FAM3A: variants seen among roughly 807,000 people sequenced by gnomAD.
The protein encoded by FAM3A is protein FAM3A.
FAM3A carries 5 observed loss-of-function variants against 18.1 expected under a neutral mutation model. The observed-to-expected ratio is 0.28, with a 90% CI of 0.14 to 0.58. FAM3A has a LOEUF of 0.58. Among genes scored for constraint, FAM3A ranks in the 20% least tolerant of loss-of-function variants. FAM3A has a pLI of 0.91. For synonymous variants in FAM3A, 108 were observed against 90.2 expected (o/e 1.20, Z -1.12); for missense variants, 154 against 216.6 (o/e 0.71, Z 1.81).
intron 3 of FAM3A, 57 bp downstream of exon 3, chrX:154,511,791 C>A (rs921816959): frequency 5.3e-6 from 6 of 1,132,872 alleles, no homozygotes; most frequent in Middle Eastern, 2.4e-4. Flanking sequence ...CCTACGGGAC[C>A]GGGGGCAGGC....
Position 154,507,217 on chromosome X carries a change from T to G in FAM3A, c.583A>C (p.Ser195Arg). 8.3e-7 allele frequency: 1 copy of G among 1,204,465 alleles called. No homozygotes were observed. The highest frequency in any genetic ancestry group is 1.1e-6 in the Non-Finnish European group (1 of 891,940). The change falls in exon 8 of 9, where the codon AGC becomes CGC. Residue 195 changes from serine (S) to arginine (R), a missense_variant. Ser to Arg is a moderately radical substitution (Grantham distance 110, BLOSUM62 -1). Transcript: ENST00000447601. ...ACCCCCCATACCTGCTCAAAGGGGC[T>G]CTTGTTCTGCACACCCTTGGCCCCG... ...FVGAKGVQNK[S>R]PFEQHVKNSK...
intron 6 of FAM3A, 72 bp from the exon 7 acceptor site, chrX:154,507,562 A>C: frequency 9.5e-7 from 1 of 1,050,813 alleles, no homozygotes; most frequent in African/African-American, 1.8e-5. Context: ...CCCGTTCTCC[A>C]AACAAGGAAA....
intron 3 of FAM3A, chrX:154,509,099 T>C (rs1407443263): frequency 4.2e-6 from 1 of 240,545 alleles, no homozygotes; most frequent in Non-Finnish European, 7.9e-6. Flanking sequence ...ATGTGATGTT[T>C]GCAAATAGGG....
chrX:154,507,731 CAGAG>C, intron 6 of FAM3A, 76 bp downstream of exon 6: 1 of 982,702 alleles, frequency 1.0e-6, no homozygotes. Context: ...CAAGTACAGA[CAGAG>C]AGAGCAGTGT....
chrX:154,508,572 A>G lies in FAM3A; in HGVS notation c.177T>C (p.Cys59=). The stretch of plus-strand genomic sequence containing the variant: ...CCTCAGGACACGGCTGGGGCAGGCC[A>G]CACTTGTACTTCCTGGCCCGTGGCG... ...TAAPRARKYK[C]GLPQPCPEEH... is the part of the protein sequence containing the mutation. Residue 59 remains cysteine, a synonymous_variant, in exon 4 of 9, where the codon TGT becomes TGC. Transcript: ENST00000447601. 2 of 1,198,116 alleles carry G rather than the reference A, an allele frequency of 1.7e-6. No homozygotes were observed. Among genetic ancestry groups the G allele is most frequent in the Non-Finnish European group, 2.3e-6 (2 of 888,427 alleles).
At chrX:154,507,174 G>A (rs1557219073) in intron 8 of FAM3A, 29 bp downstream of exon 8, 1 of 1,181,856 alleles carries the variant, frequency 8.5e-7, no homozygotes, top group Admixed American at 2.4e-5. Flanking sequence ...GGCTGCCCCG[G>A]TGGGGGTGAT....
rs782566270 is a variant in FAM3A, at chrX:154,506,801, A to G, written c.*10T>C. ...TGGCCTCCCTCGGCCCGGTCCTGGCACTGGCCGTGCTAGCTGGCCGTGCTT... is the reference window on the plus strand; with the variant it reads ...TGGCCTCCCTCGGCCCGGTCCTGGCGCTGGCCGTGCTAGCTGGCCGTGCTT... On this transcript the variant is annotated 3_prime_UTR_variant, in exon 9 of 9. Coordinates refer to ENST00000447601, the MANE Select transcript of FAM3A (RefSeq NM_021806.4). 2.5e-6 allele frequency: 3 copies of G among 1,203,780 alleles called. No individual in the cohort carries two copies. The highest frequency in any genetic ancestry group is 3.5e-5 in the African/African-American group (2 of 57,349).
In FAM3A at chrX:154,507,474, C is replaced by T. The variant is rs1557219547; in HGVS notation, c.402G>A (p.Leu134=). 28 of 1,210,616 alleles carry T rather than the reference C, an allele frequency of 2.3e-5. No individual in the cohort carries two copies. Among genetic ancestry groups the T allele is most frequent in the Non-Finnish European group, 3.1e-5 (28 of 895,305 alleles). ...DMWAGDVNDL[L]KFIRPLHEGT... is the part of the protein sequence containing the mutation. ...CTTCGTGCAGTGGCCGAATAAACTT[C>T]AACAGGTCGTTGACATCTGGGGGGG... is the stretch of plus-strand genomic sequence containing the variant. The change falls in exon 7 of 9, where the codon TTG becomes TTA. Residue 134 remains leucine, a synonymous_variant. Transcript: ENST00000447601.
In FAM3A at chrX:154,507,183, A is replaced by C. The variant is rs1259158631; in HGVS notation, c.597+20T>G. On this transcript the variant is annotated intron_variant, in intron 8 of 8. Coordinates refer to ENST00000447601, the MANE Select transcript of FAM3A (RefSeq NM_021806.4). ...GCGACAGGCTGCCCCGGTGGGGGTG[A>C]TGCCAGGCACCCCCCATACCTGCTC... 1.7e-6 allele frequency: 2 copies of C among 1,184,937 alleles called. No individual in the cohort carries two copies. Among genetic ancestry groups the C allele is most frequent in the Non-Finnish European group, 2.3e-6 (2 of 882,212 alleles).
In FAM3A at chrX:154,506,852, C is replaced by G. The variant is rs781982533; in HGVS notation, c.652G>C (p.Glu218Gln). 8.3e-7 allele frequency: 1 copy of G among 1,210,580 alleles called. No homozygotes were observed. Among genetic ancestry groups the G allele is most frequent in the East Asian group, 3.0e-5 (1 of 33,777 alleles). The change falls in exon 9 of 9, where the codon GAG (glutamate) becomes CAG (glutamine). Residue 218 changes from glutamate to glutamine, a missense_variant. Coordinates refer to ENST00000447601, the MANE Select transcript of FAM3A (RefSeq NM_021806.4). ...NKYEGWPEAL[E>Q]MEGCIPRRST... is the part of the protein sequence containing the mutation. ...CTCCGCGGGATACAGCCTTCCATCT[C>G]CAGCGCCTCGGGCCAGCCTTCGTAC...
At position 154,512,929 on chromosome X, in the gene FAM3A, G is replaced by A. The variant is rs2069975123; in HGVS notation, c.21C>T (p.Leu7=). The change falls in exon 2 of 9, where the codon CTC becomes CTT. Residue 7 remains leucine, a synonymous_variant. Coordinates refer to ENST00000447601, the MANE Select transcript of FAM3A (RefSeq NM_021806.4). ...CACTGACGACTAGGACCACAATGCG[G>A]AGAGGGCCTGGAGGCAGGATAGACA... The part of the protein sequence containing the change: MRLAGP[L]RIVVLVVSVG... The A allele has an allele frequency of 8.3e-7, 1 of 1,198,934 alleles. No individual in the cohort carries two copies. The highest frequency in any genetic ancestry group is 1.1e-6 in the Non-Finnish European group (1 of 884,864).
intron 8 of FAM3A, 89 bp from the exon 9 acceptor site, chrX:154,506,995 G>T: frequency 1.1e-6 from 1 of 923,834 alleles, no homozygotes. Flanking sequence ...AGTCAACTGT[G>T]CTGTGTTGGC....
intron 1 of FAM3A, among the ~76,000 whole-genome samples, chrX:154,513,174 G>A (rs375008708): frequency 9.0e-6 from 1 of 111,481 alleles, no homozygotes; most frequent in Admixed American, 9.5e-5. Flanking sequence ...TTTCCCTGGC[G>A]GGTCTGGGAG....
At chrX:154,507,982 C>A (rs1356667062) in intron 5 of FAM3A, 121 bp from the exon 6 acceptor site, 10 of 636,531 alleles carry the variant, frequency 1.6e-5, no homozygotes, top group Non-Finnish European at 2.1e-5. Flanking sequence ...CCCCAATATT[C>A]ATCCATTTGT....
At chrX:154,513,501 G>A (rs1369872924) in intron 1 of FAM3A, among the ~76,000 whole-genome samples, 1 of 110,883 alleles carries the variant, frequency 9.0e-6, no homozygotes, top group Admixed American at 9.7e-5. Flanking sequence ...ATGGTGGCGC[G>A]CACCTGTAAT....
rs1557217857 is a variant in FAM3A, at chrX:154,506,384, C to G, written c.*427G>C. 7.4e-6 allele frequency: 1 copy of G among 135,372 alleles called. No individual in the cohort carries two copies. The highest frequency in any genetic ancestry group is 2.0e-4 in the East Asian group (1 of 4,962). The allele number at this position is 135,372 out of a possible 1,213,427, so 11.2% of individuals were successfully genotyped here. ...GGAATCACACTGGAAACATGTTTAG[C>G]CCGCAGTGCAGAGTGGCTCCAGAAG... On this transcript the variant is annotated 3_prime_UTR_variant, in exon 9 of 9. Transcript: ENST00000447601.
chrX:154,514,416 T>C (rs1190801877), intron 1 of FAM3A, among the ~76,000 whole-genome samples: 1 of 108,103 alleles, frequency 9.3e-6, no homozygotes, highest in Admixed American at 9.8e-5. Flanking sequence ...GCTAATTTTT[T>C]TTTTTGAGAC....
intron 1 of FAM3A, among the ~76,000 whole-genome samples, chrX:154,513,211 GA>G: frequency 9.0e-6 from 1 of 111,674 alleles, no homozygotes; most frequent in Non-Finnish European, 1.9e-5. Context: ...CTCTGCTCGA[GA>G]AGGGCTCCAG....
At chrX:154,512,379 C>A in intron 2 of FAM3A, 1 of 248,020 alleles carries the variant, frequency 4.0e-6, no homozygotes, top group Non-Finnish European at 7.4e-6. Flanking sequence ...GTAGAGGTTG[C>A]AGTGAACCGA....
Sources: allele counts gnomAD v4.1 joint callset (sites outside exome capture counted in the v4.1 genomes callset), GRCh38; gene constraint gnomAD v4.1.1; transcripts MANE v1.5; gene names NCBI Gene and HGNC (gene_info 2026-07-23, HGNC 2026-07-21).